PLRG1: variants seen among roughly 807,000 people sequenced by gnomAD.
PLRG1 encodes the protein pleiotropic regulator 1.
PLRG1 carries 28 observed loss-of-function variants against 74.9 expected under a neutral mutation model. The observed-to-expected ratio is 0.37, with a 90% CI of 0.28 to 0.51. The LOEUF (loss-of-function observed/expected upper bound fraction) is 0.51, where lower values mean the gene tolerates loss of function less well. PLRG1 is among the 20% of genes least tolerant of loss of function. The pLI, the probability that PLRG1 is intolerant of heterozygous loss-of-function variation, is 0.91. For synonymous variants in PLRG1, 197 were observed against 212.4 expected, an observed-to-expected ratio of 0.93 and a Z score of 0.63; for missense variants, 445 against 631.9, an observed-to-expected ratio of 0.70 and a Z score of 3.17.
chr4:154,536,997 A>G (rs1729463674), intron 14 of PLRG1, among the ~76,000 whole-genome samples: 1 of 152,126 alleles, frequency 6.6e-6, no homozygotes, highest in Non-Finnish European at 1.5e-5. Flanking sequence ...TACTAACACC[A>G]AAGCTTATGA....
intron 6 of PLRG1, 44 bp from the exon 7 acceptor site, chr4:154,544,590 T>G: frequency 9.9e-7 from 1 of 1,012,476 alleles, no homozygotes. Context: ...ACATCATACC[T>G]AAGGCTTCAT....
chr4:154,536,734 G>A lies in PLRG1; in HGVS notation c.1496C>T (p.Thr499Ile), dbSNP rs757000803. The A allele has an allele frequency of 6.6e-7, 1 of 1,509,318 alleles. No homozygotes were observed. The highest frequency in any genetic ancestry group is 1.2e-5 in the South Asian group (1 of 82,152). The allele number at this position is 1,509,318 out of a possible 1,614,324, so 93.5% of individuals were successfully genotyped here. A position where few individuals can be genotyped will look rare whatever the true frequency, so the allele number is the denominator to read the frequency against. ...YREDDTATEE[T>I]HPVSWKPEII... is the part of the protein sequence containing the mutation. Reference sequence around the variant, plus strand: ...TTCTGGTTTCCAGCTGACTGGATGAGTTTCTTCTGTCTAAAAATAGAAAAG... The same window carrying A: ...TTCTGGTTTCCAGCTGACTGGATGAATTTCTTCTGTCTAAAAATAGAAAAG... The change falls in exon 15 of 15, where the codon ACT becomes ATT. Residue 499 changes from threonine to isoleucine, a missense_variant. Transcript: ENST00000499023.
intron 1 of PLRG1, chr4:154,549,583 A>G (rs1729721573): frequency 2.4e-6 from 1 of 425,278 alleles, no homozygotes; most frequent in Admixed American, 2.6e-5. Context: ...GGTCTTTTAG[A>G]CTATTACAAC....
intron 7 of PLRG1, 95 bp downstream of exon 7, chr4:154,544,350 T>C: frequency 1.3e-6 from 1 of 752,452 alleles, no homozygotes. Flanking sequence ...CAGCTTTTCA[T>C]ATTCACTCTT....
At chr4:154,541,738 G>T (rs925549252) in intron 8 of PLRG1, among the ~76,000 whole-genome samples, 1 of 152,142 alleles carries the variant, frequency 6.6e-6, no homozygotes, top group African/African-American at 2.4e-5. Context: ...TACTAAGAAT[G>T]ATTTTTTAAA....
At position 154,544,464 on chromosome 4, in the gene PLRG1, G is replaced by C; in HGVS notation, c.575C>G (p.Pro192Arg). Residue 192 changes from proline (P) to arginine (R), a missense_variant, in exon 7 of 15, where the codon CCA (proline) becomes CGA (arginine). Around this residue, in one of 3 missense-constraint regions of PLRG1, gnomAD observed 206 missense variants for 210.8 expected, o/e 0.98. Coordinates refer to ENST00000499023, the MANE Select transcript of PLRG1 (RefSeq NM_002669.4). The part of the protein sequence containing the change: ...APTMPKPQWH[P>R]PWKLYRVISG... ...ACTCACCCTGTAGAGTTTCCACGGT[G>C]GGTGCCACTGGGGTTTTGGCATTGT... 23 of 1,601,472 alleles carry C rather than the reference G, an allele frequency of 1.4e-5. No homozygotes were observed. The highest frequency in any genetic ancestry group is 2.0e-5 in the Non-Finnish European group (23 of 1,168,556).
chr4:154,543,517 T>C (rs1366527122), intron 7 of PLRG1, among the ~76,000 whole-genome samples: 11 of 151,914 alleles, frequency 7.2e-5, no homozygotes, highest in Non-Finnish European at 1.6e-4. Flanking sequence ...ATGTTAGCCA[T>C]AAAAATTAAA....
chr4:154,550,384 C>T lies in PLRG1; in HGVS notation c.-76G>A. On this transcript the variant is annotated 5_prime_UTR_variant, in exon 1 of 15. Coordinates refer to ENST00000499023, the MANE Select transcript of PLRG1 (RefSeq NM_002669.4). ...CGCAGTACCCGCCGCCACAGCTGTG[C>T]AGCACCTTCCGGAATTGGGCGCCCA... is the stretch of plus-strand genomic sequence containing the variant. 1 of 1,422,144 alleles carries T rather than the reference C, an allele frequency of 7.0e-7. No homozygotes were observed. Among genetic ancestry groups the T allele is most frequent in the Non-Finnish European group, 9.9e-7 (1 of 1,006,646 alleles). 88.1% of individuals were successfully genotyped at this position (1,422,144 alleles called of 1,614,324 possible).
At position 154,536,539 on chromosome 4, in the gene PLRG1, T is replaced by C; in HGVS notation, c.*146A>G. 1 of 633,714 alleles carries C rather than the reference T, an allele frequency of 1.6e-6. No homozygotes were observed. Among genetic ancestry groups the C allele is most frequent in the South Asian group, 1.8e-5 (1 of 55,920 alleles). 39.3% of individuals were successfully genotyped at this position (633,714 alleles called of 1,614,324 possible). A position where few individuals can be genotyped will look rare whatever the true frequency, so the allele number is the denominator to read the frequency against. ...GGACAGGGGACAGTTTATTGTAAAA[T>C]ATGAAGCAGCAATGATTGAAGCAAG... On this transcript the variant is annotated 3_prime_UTR_variant, in exon 15 of 15. Coordinates refer to ENST00000499023, the MANE Select transcript of PLRG1 (RefSeq NM_002669.4).
intron 8 of PLRG1, 63 bp from the exon 9 acceptor site, chr4:154,540,997 C>T (rs1729546694): frequency 3.4e-6 from 4 of 1,171,530 alleles, no homozygotes; most frequent in East Asian, 2.6e-5. Context: ...ATTTTAGAAA[C>T]CTGATTATTA....
chr4:154,548,976 A>T, intron 1 of PLRG1, 41 bp from the exon 2 acceptor site: 1 of 1,126,178 alleles, frequency 8.9e-7, no homozygotes, highest in Non-Finnish European at 1.4e-6. Flanking sequence ...TCTACAAATT[A>T]CACAAATCAT....
chr4:154,537,286 G>A lies in PLRG1; in HGVS notation c.1485C>T (p.Ala495=), dbSNP rs575208244. The change falls in exon 14 of 15, where the codon GCC becomes GCT. Residue 495 remains alanine (A), a splice_region_variant and synonymous_variant. Transcript: ENST00000499023. ...TIKVYREDDT[A]TEETHPVSWK... is the part of the protein sequence containing the mutation. ...AACGAATGTGAAACACAGAACTTAC[G>A]GCTGTGTCATCCTCTCTGTATACTT... is the stretch of plus-strand genomic sequence containing the variant. The A allele has an allele frequency of 3.4e-5, 55 of 1,601,246 alleles. No individual in the cohort carries two copies. Among genetic ancestry groups the A allele is most frequent in the African/African-American group, 1.2e-4 (9 of 74,714 alleles).
In PLRG1 at chr4:154,542,295, T is replaced by G. The variant is rs368848782; in HGVS notation, c.595-16A>C. The G allele has an allele frequency of 1.9e-6, 3 of 1,539,128 alleles. No homozygotes were observed. The highest frequency in any genetic ancestry group is 2.7e-6 in the Non-Finnish European group (3 of 1,111,690). On this transcript the variant is annotated splice_polypyrimidine_tract_variant and intron_variant, in intron 7 of 14. Transcript: ENST00000499023. ...CACTGATAACCTGTATAAAACAAAG[T>G]AGAATGGGCAGGCCAACGTAGAAGT...
intron 13 of PLRG1, 88 bp downstream of exon 13, chr4:154,537,881 G>A: frequency 2.7e-6 from 2 of 745,636 alleles, no homozygotes; most frequent in Non-Finnish European, 4.3e-6. Context: ...ACTTAAGTGT[G>A]ACAGCTTAGA....
chr4:154,540,962 C>A (rs767176444), intron 8 of PLRG1, 28 bp from the exon 9 acceptor site: 1 of 1,551,240 alleles, frequency 6.4e-7, no homozygotes, highest in Non-Finnish European at 8.7e-7. Flanking sequence ...TTATTTTTTT[C>A]TTTCACTGGT....
rs1280643173 is a variant in PLRG1, at chr4:154,550,214, T to TC, written c.9+85dup. 14 of 1,183,816 alleles carry TC rather than the reference T, an allele frequency of 1.2e-5. No individual in the cohort carries two copies. In the East Asian group the frequency reaches 2.6e-4, roughly 22 times the overall value. The allele number at this position is 1,183,816 out of a possible 1,614,324, so 73.3% of individuals were successfully genotyped here. On this transcript the variant is annotated intron_variant, in intron 1 of 14. Coordinates refer to ENST00000499023, the MANE Select transcript of PLRG1 (RefSeq NM_002669.4). ...CTCGTAGCCTCTTTTCTCTCTGGAC[T>TC]CCAAGTACTCTCAATCCCCCACGCG... is the stretch of plus-strand genomic sequence containing the variant.
rs1560806457 is a variant in PLRG1, at chr4:154,539,948, T to TAC, written c.1042+1_1042+2dup. The TAC allele has an allele frequency of 7.4e-7, 1 of 1,353,816 alleles. No homozygotes were observed. 83.9% of individuals were successfully genotyped at this position (1,353,816 alleles called of 1,614,324 possible). A position where few individuals can be genotyped will look rare whatever the true frequency, so the allele number is the denominator to read the frequency against. Reference sequence around the variant, plus strand: ...CTGTAAACTTGAAAAGTATCGATCATACCTGTAATAATTTGTGGTTCTGCA... The same window carrying TAC: ...CTGTAAACTTGAAAAGTATCGATCATACACCTGTAATAATTTGTGGTTCTGCA... On this transcript the variant is annotated splice_region_variant and intron_variant, in intron 11 of 14. Transcript: ENST00000499023.
intron 3 of PLRG1, 117 bp from the exon 4 acceptor site, chr4:154,547,181 C>A: frequency 1.3e-6 from 1 of 786,790 alleles, no homozygotes; most frequent in East Asian, 2.6e-5. Context: ...ATTTTCTCAA[C>A]TAAAGTCAAG....
chr4:154,535,481 G>A lies in PLRG1; in HGVS notation c.*1204C>T, dbSNP rs1560804735. On this transcript the variant is annotated 3_prime_UTR_variant, in exon 15 of 15. Coordinates refer to ENST00000499023, the MANE Select transcript of PLRG1 (RefSeq NM_002669.4). ...AGAAAACTACATTCCTAAAGGCTGT[G>A]ACAATTATACTCCCACCTATGGCAT... 6.6e-6 allele frequency: 1 copy of A among 150,802 alleles called. No individual in the cohort carries two copies. The highest frequency in any genetic ancestry group is 1.5e-5 in the Non-Finnish European group (1 of 67,784). 9.3% of individuals were successfully genotyped at this position (150,802 alleles called of 1,614,324 possible).
Sources: allele counts gnomAD v4.1 joint callset (sites outside exome capture counted in the v4.1 genomes callset), GRCh38; gene constraint gnomAD v4.1.1; regional missense constraint gnomAD v4.1.1; transcripts MANE v1.5; gene names NCBI Gene and HGNC (gene_info 2026-07-23, HGNC 2026-07-21).